The following STRIP2 variants were observed in gnomAD, a reference collection of about 807,000 sequenced individuals.
STRIP2 encodes the protein striatin interacting protein 2.
A neutral mutation model predicts 107.1 loss-of-function variants in STRIP2; 84 were observed. The ratio of observed to expected loss-of-function variants is 0.78; its 90% CI spans 0.66 to 0.94. The LOEUF is 0.94. Ranked by LOEUF, STRIP2 falls within the 40% of genes least tolerant of loss-of-function variation. STRIP2 has a pLI of 0.00. For missense variants in STRIP2, 888 were observed against 1,034.2 expected (o/e 0.86, Z 1.94); for synonymous variants, 394 against 400.4 (o/e 0.98, Z 0.19).
At chr7:129,469,345 C>G (rs910578708) in intron 17 of STRIP2, among the ~76,000 whole-genome samples, 4 of 152,224 alleles carry the variant, frequency 2.6e-5, no homozygotes, top group African/African-American at 9.6e-5. Flanking sequence ...GCAGAATTTT[C>G]TCATGGCTCT....
At chr7:129,467,552 T>TAGTC (rs1798700429) in intron 17 of STRIP2, 102 bp downstream of exon 17, 2 of 732,850 alleles carry the variant, frequency 2.7e-6, no homozygotes. Flanking sequence ...CCCTAGTCCC[T>TAGTC]CCTGTCTTAG....
At chr7:129,472,609 A>G (rs926737135) in intron 18 of STRIP2, among the ~76,000 whole-genome samples, 6 of 152,120 alleles carry the variant, frequency 3.9e-5, no homozygotes, top group African/African-American at 1.2e-4. Context: ...TAGTGAGTCT[A>G]TTCCACATAG....
chr7:129,478,865 T>C (rs951846788), intron 18 of STRIP2, among the ~76,000 whole-genome samples: 5 of 152,218 alleles, frequency 3.3e-5, no homozygotes, highest in African/African-American at 9.6e-5. Flanking sequence ...TTTGAGATAC[T>C]GAGGACTGCA....
rs1175819490 is a variant in STRIP2, at chr7:129,461,336, G to A, written c.1476+964G>A. On this transcript the variant is annotated intron_variant, in intron 13 of 20. Coordinates refer to ENST00000249344, the MANE Select transcript of STRIP2 (RefSeq NM_020704.3). The surrounding 1 kb of genome is among the most constrained non-coding windows in gnomAD (Gnocchi z 4.0). ...GGGCTGACTTTGAGAAATAAATTCG[G>A]GAGTTGTTTGTAACACTTATAGGCA... Among the ~76,000 whole-genome samples, 1 of 152,196 alleles carries A rather than the reference G, an allele frequency of 6.6e-6. No homozygotes were observed. The highest frequency in any genetic ancestry group is 1.9e-4 in the East Asian group (1 of 5,184).
intron 6 of STRIP2, 104 bp from the exon 7 acceptor site, chr7:129,454,317 C>G: frequency 1.4e-6 from 2 of 1,456,624 alleles, no homozygotes; most frequent in Non-Finnish European, 1.9e-6. Flanking sequence ...TGCCCTGTAG[C>G]TAATCTCACT....
chr7:129,470,866 G>GT, intron 18 of STRIP2, 151 bp downstream of exon 18: 1 of 666,384 alleles, frequency 1.5e-6, no homozygotes, highest in East Asian at 2.8e-5. Flanking sequence ...TGCAGCAGGG[G>GT]TTTAGAGTTG....
At chr7:129,457,465 T>C (rs1412689498) in intron 9 of STRIP2, among the ~76,000 whole-genome samples, 1 of 152,232 alleles carries the variant, frequency 6.6e-6, no homozygotes, top group African/African-American at 2.4e-5. Context: ...GACTATAGTC[T>C]GCTGTCCTGA....
chr7:129,486,053 T>C lies in STRIP2; in HGVS notation c.*224T>C. The stretch of plus-strand genomic sequence containing the variant: ...CCTTGGAAATCTTTTGGTGGATCAA[T>C]TCTAGACAAGCTCTTTGGTAGGACC... On this transcript the variant is annotated 3_prime_UTR_variant, in exon 21 of 21. Transcript: ENST00000249344. 1 of 519,532 alleles carries C rather than the reference T, an allele frequency of 1.9e-6. No individual in the cohort carries two copies. Among genetic ancestry groups the C allele is most frequent in the Non-Finnish European group, 3.5e-6 (1 of 289,796 alleles). The allele number at this position is 519,532 out of a possible 1,614,324, so 32.2% of individuals were successfully genotyped here.
chr7:129,445,818 G>T (rs1380378879), intron 3 of STRIP2, among the ~76,000 whole-genome samples: 2 of 151,866 alleles, frequency 1.3e-5, no homozygotes, highest in African/African-American at 4.8e-5. Flanking sequence ...GGAATACCAT[G>T]ACGGTGGATG....
intron 14 of STRIP2, among the ~76,000 whole-genome samples, chr7:129,463,430 G>A (rs138329882): frequency 2.7e-5 from 4 of 147,028 alleles, no homozygotes; most frequent in Non-Finnish European, 6.1e-5. Flanking sequence ...GGTTTATGCC[G>A]CCCACCTTAT....
intron 17 of STRIP2, among the ~76,000 whole-genome samples, chr7:129,468,125 C>T (rs1248540875): frequency 6.6e-6 from 1 of 152,130 alleles, no homozygotes; most frequent in Non-Finnish European, 1.5e-5. Flanking sequence ...CAAGCAGGGA[C>T]TTGGGGATTA....
At chr7:129,472,740 TG>T (rs1488658980) in intron 18 of STRIP2, among the ~76,000 whole-genome samples, 6 of 150,888 alleles carry the variant, frequency 4.0e-5, no homozygotes, top group Non-Finnish European at 1.5e-5. Context: ...GAAAATGTAC[TG>T]GCTATTTGAA....
chr7:129,477,193 A>G (rs74493490), intron 18 of STRIP2, among the ~76,000 whole-genome samples: 73 of 23,476 alleles, frequency 3.1e-3, no homozygotes, highest in South Asian at 5.3e-3. Context: ...CCGTGGGGAG[A>G]GGGAGGGGGA....
At position 129,441,312 on chromosome 7, in the gene STRIP2, A is replaced by G. The variant is rs561271132; in HGVS notation, c.199+1221A>G. On this transcript the variant is annotated intron_variant, in intron 2 of 20. Transcript: ENST00000249344. ...TAAAATTGAAAAGCATTTTGCTTAT[A>G]TCTTGCAAAGTTGAAGATGTGCACA... Among the ~76,000 whole-genome samples the G allele has an allele frequency of 5.3e-5, 8 of 152,316 alleles. No individual in the cohort carries two copies. In the South Asian group the frequency reaches 1.4e-3, roughly 28 times the overall value.
intron 18 of STRIP2, among the ~76,000 whole-genome samples, chr7:129,472,670 C>G (rs901359452): frequency 4.6e-5 from 7 of 150,646 alleles, no homozygotes; most frequent in Non-Finnish European, 8.8e-5. Context: ...CAGAAAAACA[C>G]TAATGTTCAT....
In STRIP2 at chr7:129,459,583, G is replaced by A; in HGVS notation, c.1404+3G>A. ...AGAGTGTGAAGACCCTAAAGCAGGT[G>A]ACTGGGGTGGGCTCTCAGTCTTCAG... is the stretch of plus-strand genomic sequence containing the variant. On this transcript the variant is annotated splice_donor_region_variant and intron_variant, in intron 12 of 20. Coordinates refer to ENST00000249344, the MANE Select transcript of STRIP2 (RefSeq NM_020704.3). 1 of 1,613,572 alleles carries A rather than the reference G, an allele frequency of 6.2e-7. No individual in the cohort carries two copies.
chr7:129,466,620 C>T (rs1005353755), intron 16 of STRIP2, among the ~76,000 whole-genome samples: 2 of 152,166 alleles, frequency 1.3e-5, no homozygotes, highest in Admixed American at 6.5e-5. Flanking sequence ...CTTATGGCCA[C>T]CTGTCCCACT....
intron 18 of STRIP2, among the ~76,000 whole-genome samples, chr7:129,473,115 G>A (rs190228224): frequency 9.8e-4 from 149 of 151,864 alleles, no homozygotes; most frequent in African/African-American, 3.1e-3. Flanking sequence ...AACTTTTGAA[G>A]TTTTTTTCCT....
intron 1 of STRIP2, among the ~76,000 whole-genome samples, chr7:129,438,580 G>T: frequency 6.6e-6 from 1 of 151,990 alleles, no homozygotes; most frequent in African/African-American, 2.4e-5. Context: ...CCAACAATTC[G>T]CTGACACCAA....
Sources: gnomAD v4.1 joint callset for allele counts (sites outside exome capture counted in the v4.1 genomes callset) on GRCh38, gnomAD v4.1.1 for gene constraint, Gnocchi (gnomAD v3.1) non-coding constraint, MANE v1.5 for transcripts, NCBI Gene and HGNC (gene_info 2026-07-23, HGNC 2026-07-21) for gene names.